The following BIVM variants were observed in gnomAD, a reference collection of about 807,000 sequenced individuals.
BIVM encodes the protein basic immunoglobulin-like variable motif-containing protein.
Under a neutral mutation model 61.4 loss-of-function variants are expected in BIVM, and 31 were observed. The ratio of observed to expected loss-of-function variants is 0.51; its 90% CI spans 0.38 to 0.68. The LOEUF is 0.68. Among genes scored for constraint, BIVM ranks in the 30% least tolerant of loss-of-function variants. The pLI is 0.00. For synonymous variants in BIVM, 189 were observed against 210.7 expected, an observed-to-expected ratio of 0.90 and a Z score of 0.89; for missense variants, 526 against 596.0, an observed-to-expected ratio of 0.88 and a Z score of 1.22.
chr13:102,818,308 G>T (rs1385497001), intron 4 of BIVM, among the ~76,000 whole-genome samples: 2 of 152,118 alleles, frequency 1.3e-5, no homozygotes, highest in Non-Finnish European at 2.9e-5. Context: ...CATTCATGCT[G>T]TTTGCGTATA....
intron 2 of BIVM, among the ~76,000 whole-genome samples, 159 bp downstream of exon 2, chr13:102,805,549 A>G (rs1879009543): frequency 6.6e-6 from 1 of 152,212 alleles, no homozygotes; most frequent in South Asian, 2.1e-4. Context: ...ACACCATATA[A>G]TTTACCCATT....
Position 102,822,125 on chromosome 13 carries a change from G to A in BIVM, c.867G>A (p.Lys289=). ...HVKGCSYVLY[K]PHGKNKTAGE... is the part of the protein sequence containing the mutation. ...AAGGATGCTCTTATGTTCTATATAAGCCTCATGGGAAGAATAAAACAGCAG... is the reference window on the plus strand; with the variant it reads ...AAGGATGCTCTTATGTTCTATATAAACCTCATGGGAAGAATAAAACAGCAG... Residue 289 remains lysine, a synonymous_variant, in exon 7 of 11, where the codon AAG becomes AAA. Transcript: ENST00000257336. 1 of 1,613,878 alleles carries A rather than the reference G, an allele frequency of 6.2e-7. No homozygotes were observed. The highest frequency in any genetic ancestry group is 8.5e-7 in the Non-Finnish European group (1 of 1,179,974).
intron 3 of BIVM, among the ~76,000 whole-genome samples, chr13:102,809,861 C>T (rs1879368113): frequency 6.6e-6 from 1 of 151,654 alleles, no homozygotes; most frequent in Non-Finnish European, 1.5e-5. Context: ...TCTCGGCTCA[C>T]TGCAAGCTCC....
intron 9 of BIVM, among the ~76,000 whole-genome samples, chr13:102,835,455 C>A (rs1881402148): frequency 6.6e-6 from 1 of 152,170 alleles, no homozygotes; most frequent in Non-Finnish European, 1.5e-5. Context: ...TACCCCTTGG[C>A]AGTCACTCCG....
At position 102,834,514 on chromosome 13, in the gene BIVM, A is replaced by G; in HGVS notation, c.1083A>G (p.Gly361=). 1 of 1,592,450 alleles carries G rather than the reference A, an allele frequency of 6.3e-7. No individual in the cohort carries two copies. The highest frequency in any genetic ancestry group is 8.5e-7 in the Non-Finnish European group (1 of 1,173,782). The stretch of plus-strand genomic sequence containing the variant: ...AAGTTGAATATTGGATCTTAATTGG[A>G]GAATCAAGTAGAAAACATCCTGCCA... The part of the protein sequence containing the change: ...PQEVEYWILI[G]ESSRKHPAIH... Residue 361 remains glycine, a synonymous_variant, in exon 9 of 11, where the codon GGA becomes GGG. Transcript: ENST00000257336.
chr13:102,806,253 C>A (rs971810599), intron 2 of BIVM, among the ~76,000 whole-genome samples: 3 of 151,960 alleles, frequency 2.0e-5, no homozygotes, highest in Non-Finnish European at 4.4e-5. Flanking sequence ...GCTTATTGGC[C>A]ATTTATTTTT....
At chr13:102,826,313 C>A (rs1389059833) in intron 7 of BIVM, among the ~76,000 whole-genome samples, 3 of 152,192 alleles carry the variant, frequency 2.0e-5, no homozygotes, top group East Asian at 3.8e-4. Flanking sequence ...CCATCAGAAC[C>A]CAGTGCGTCC....
At chr13:102,819,759 TA>T (rs200352358) in intron 4 of BIVM, among the ~76,000 whole-genome samples, 7 of 151,740 alleles carry the variant, frequency 4.6e-5, no homozygotes, top group African/African-American at 1.7e-4. Flanking sequence ...CCCTGGAACT[TA>T]AAAAAAAATA....
chr13:102,835,577 A>G (rs368313329), intron 9 of BIVM, among the ~76,000 whole-genome samples: 4 of 152,232 alleles, frequency 2.6e-5, no homozygotes, highest in African/African-American at 9.6e-5. Flanking sequence ...TCTGTCACTT[A>G]GGTGGGAGTG....
chr13:102,833,354 G>T (rs1881252559), intron 8 of BIVM, among the ~76,000 whole-genome samples: 1 of 30,010 alleles, frequency 3.3e-5, no homozygotes, highest in African/African-American at 6.4e-5. Context: ...TTGAGACAAG[G>T]CCTTGCTGTG....
intron 3 of BIVM, among the ~76,000 whole-genome samples, chr13:102,809,132 A>T (rs1017755094): frequency 4.6e-5 from 7 of 152,098 alleles, no homozygotes; most frequent in Admixed American, 6.5e-5. Flanking sequence ...CATTGATTTT[A>T]GACTTTTCTA....
intron 3 of BIVM, among the ~76,000 whole-genome samples, chr13:102,809,508 G>A (rs1879332380): frequency 6.6e-6 from 1 of 152,152 alleles, no homozygotes; most frequent in South Asian, 2.1e-4. Flanking sequence ...TTATGTCGAA[G>A]TGTTTGAAAG....
chr13:102,832,630 C>A (rs925418239), intron 8 of BIVM, among the ~76,000 whole-genome samples: 24 of 152,240 alleles, frequency 1.6e-4, no homozygotes, highest in African/African-American at 5.5e-4. Flanking sequence ...ATTGTCACAA[C>A]TGAGTAAATT....
At chr13:102,803,588 G>C (rs1052057363) in intron 1 of BIVM, among the ~76,000 whole-genome samples, 11 of 152,068 alleles carry the variant, frequency 7.2e-5, no homozygotes. Flanking sequence ...AGGAAGCCCT[G>C]GGAAAGTGGA....
chr13:102,801,987 A>C (rs987631969), intron 1 of BIVM, among the ~76,000 whole-genome samples: 6 of 152,192 alleles, frequency 3.9e-5, no homozygotes, highest in Non-Finnish European at 7.3e-5. Context: ...AAGGAATGAG[A>C]TGGAGCTAAC....
At chr13:102,815,280 T>C (rs1446713244) in intron 3 of BIVM, among the ~76,000 whole-genome samples, 2 of 152,198 alleles carry the variant, frequency 1.3e-5, no homozygotes, top group Non-Finnish European at 2.9e-5. Flanking sequence ...TATAATCTAT[T>C]TTATAATTTA....
chr13:102,820,585 T>G lies in BIVM; in HGVS notation c.606-452T>G, dbSNP rs1880197448. On this transcript the variant is annotated intron_variant, in intron 4 of 10. Coordinates refer to ENST00000257336, the MANE Select transcript of BIVM (RefSeq NM_017693.4). ...GACAGGAGAAGCACTGCTTCATGGC[T>G]TCTTGCCCAAGGATTTTAGATGGAC... The G allele has an allele frequency of 1.8e-5, 3 of 168,694 alleles. No homozygotes were observed. In the Admixed American group the frequency reaches 1.9e-4, roughly 11 times the overall value. The allele number at this position is 168,694 out of a possible 1,614,324, so 10.4% of individuals were successfully genotyped here. A position where few individuals can be genotyped will look rare whatever the true frequency, so the allele number is the denominator to read the frequency against.
chr13:102,804,053 G>A (rs781441922), intron 1 of BIVM, among the ~76,000 whole-genome samples: 1 of 152,232 alleles, frequency 6.6e-6, no homozygotes, highest in Non-Finnish European at 1.5e-5. Context: ...AACCACAGGA[G>A]GTTCCACCTT....
At chr13:102,821,470 C>G (rs1016583048) in intron 5 of BIVM, among the ~76,000 whole-genome samples, 1 of 151,988 alleles carries the variant, frequency 6.6e-6, no homozygotes, top group African/African-American at 2.4e-5. Context: ...GGCACAATGG[C>G]ATGTACTTGT....
Sources: allele counts gnomAD v4.1 joint callset (sites outside exome capture counted in the v4.1 genomes callset), GRCh38; gene constraint gnomAD v4.1.1; transcripts MANE v1.5; gene names NCBI Gene and HGNC (gene_info 2026-07-23, HGNC 2026-07-21).